The following HEPHL1 variants were observed in gnomAD, a reference collection of about 807,000 sequenced individuals.
HEPHL1 encodes the protein hephaestin like 1, also known as ferroxidase HEPHL1.
HEPHL1 carries 123 observed loss-of-function variants against 122.0 expected under a neutral mutation model. The ratio of observed to expected loss-of-function variants is 1.01; its 90% CI spans 0.87 to 1.17. The LOEUF (loss-of-function observed/expected upper bound fraction) is 1.17, where lower values mean the gene tolerates loss of function less well. Ranked by LOEUF, HEPHL1 falls within the 50% of genes most tolerant of loss-of-function variation. HEPHL1 has a pLI of 0.00. For missense variants in HEPHL1, 1,452 were observed against 1,430.5 expected (o/e 1.01, Z -0.24); for synonymous variants, 527 against 508.9 (o/e 1.04, Z -0.48).
chr11:94,076,545 G>C (rs1022905816), intron 9 of HEPHL1, among the ~76,000 whole-genome samples: 4 of 151,942 alleles, frequency 2.6e-5, no homozygotes, highest in African/African-American at 9.7e-5. Flanking sequence ...GCACCTCATA[G>C]TCTGTGGGAA....
At chr11:94,029,683 C>A (rs1945656194) in intron 1 of HEPHL1, among the ~76,000 whole-genome samples, 2 of 152,194 alleles carry the variant, frequency 1.3e-5, no homozygotes, top group Non-Finnish European at 2.9e-5. Context: ...CCCAATCCCC[C>A]CTTGGGGTGA....
At chr11:94,094,013 T>TATAA (rs1485344204) in intron 13 of HEPHL1, among the ~76,000 whole-genome samples, 27 of 121,664 alleles carry the variant, frequency 2.2e-4, no homozygotes, top group East Asian at 1.9e-3. Context: ...TATATATATA[T>TATAA]AAAACTTTAA....
At chr11:94,071,889 A>T (rs1038228258) in intron 6 of HEPHL1, among the ~76,000 whole-genome samples, 1 of 152,138 alleles carries the variant, frequency 6.6e-6, no homozygotes, top group Non-Finnish European at 1.5e-5. Context: ...CACCTGTGGC[A>T]TGGGAGGAAT....
chr11:94,109,507 A>G (rs546763564), intron 17 of HEPHL1, among the ~76,000 whole-genome samples: 10 of 152,256 alleles, frequency 6.6e-5, no homozygotes, highest in African/African-American at 9.6e-5. Flanking sequence ...TCCCATTATG[A>G]GGTTGAGGAA....
chr11:94,033,638 T>C (rs1278815548), intron 1 of HEPHL1, among the ~76,000 whole-genome samples: 3 of 152,076 alleles, frequency 2.0e-5, no homozygotes, highest in Non-Finnish European at 2.9e-5. Context: ...ACCTAGAGGG[T>C]ATTCAAATAT....
intron 2 of HEPHL1, among the ~76,000 whole-genome samples, chr11:94,057,536 G>A (rs1382386921): frequency 6.6e-6 from 1 of 151,870 alleles, no homozygotes; most frequent in African/African-American, 2.4e-5. Context: ...TTGCTTTCTT[G>A]AATATATTGT....
chr11:94,091,553 T>C (rs1788802472), intron 12 of HEPHL1, among the ~76,000 whole-genome samples: 1 of 152,214 alleles, frequency 6.6e-6, no homozygotes, highest in Non-Finnish European at 1.5e-5. Context: ...CATTGTGCAA[T>C]GTGCTGGTGA....
chr11:94,063,573 A>C lies in HEPHL1; in HGVS notation c.481A>C (p.Asn161His). The C allele has an allele frequency of 6.2e-7, 1 of 1,613,602 alleles. No individual in the cohort carries two copies. The highest frequency in any genetic ancestry group is 8.5e-7 in the Non-Finnish European group (1 of 1,179,788). The change falls in exon 3 of 20, where the codon AAC becomes CAC. Residue 161 changes from asparagine (N) to histidine (H), a missense_variant. Physicochemically the swap from Asn to His is moderately conservative, Grantham distance 68. Coordinates refer to ENST00000315765, the MANE Select transcript of HEPHL1 (RefSeq NM_001098672.2). ...KNDDMVPPGK[N>H]YTYVWPVREE... ...TGATGACATGGTTCCTCCTGGGAAA[A>C]ACTACACCTACGTCTGGCCGGTGAG... is the stretch of plus-strand genomic sequence containing the variant.
rs372944593 is a variant in HEPHL1 at position 94,027,656 on chromosome 11, G to T, written c.170+6118G>T. On this transcript the variant is annotated intron_variant, in intron 1 of 19. Coordinates refer to ENST00000315765, the MANE Select transcript of HEPHL1 (RefSeq NM_001098672.2). ...CAGCAGAGGAAACTGGTTCAGAGAG[G>T]TTAAGTCTCTTCCCCATTTCACAAC... 1.1e-4 allele frequency among the ~76,000 whole-genome samples: 17 copies of T among 152,316 alleles called. No individual in the cohort carries two copies. In the East Asian group the frequency reaches 2.3e-3, roughly 21 times the overall value.
In HEPHL1 at chr11:94,088,845, C is replaced by A. The variant is rs1434800703; in HGVS notation, c.2171C>A (p.Pro724His). Residue 724 changes from proline to histidine, a missense_variant, in exon 12 of 20, where the codon CCT becomes CAT. Pro to His is a moderately conservative substitution (Grantham distance 77, BLOSUM62 -2). Transcript: ENST00000315765. Reference protein sequence around the residue: ...YEVSSCDNRDPSEQRYGMIRT... With the variant: ...YEVSSCDNRDHSEQRYGMIRT... ...GTCAGCAGCTGTGACAACAGGGACCCTTCTGAGCAGCGGTACGGGATGATA... is the reference window on the plus strand; with the variant it reads ...GTCAGCAGCTGTGACAACAGGGACCATTCTGAGCAGCGGTACGGGATGATA... The A allele has an allele frequency of 6.2e-7, 1 of 1,614,008 alleles. No individual in the cohort carries two copies. Among genetic ancestry groups the A allele is most frequent in the Non-Finnish European group, 8.5e-7 (1 of 1,179,890 alleles).
At position 94,104,587 on chromosome 11, in the gene HEPHL1, AAAGGG is replaced by A. The variant is rs2134453346; in HGVS notation, c.2746_2750del (p.Gly916LysfsTer3). 1 of 1,613,950 alleles carries A rather than the reference AAAGGG, an allele frequency of 6.2e-7. No homozygotes were observed. The highest frequency in any genetic ancestry group is 2.2e-5 in the East Asian group (1 of 44,866). ...CATGCCGAAAAGGAGTCTTGAATGA[AAAGGG>A]AAGAAGAAGTGACGTTGATTATGAA... On this transcript the variant is annotated frameshift_variant, in exon 16 of 20. Coordinates refer to ENST00000315765, the MANE Select transcript of HEPHL1 (RefSeq NM_001098672.2). LOFTEE classifies it high-confidence loss of function.
intron 11 of HEPHL1, 108 bp downstream of exon 11, chr11:94,086,297 G>A (rs1304414368): frequency 5.2e-6 from 4 of 776,418 alleles, no homozygotes; most frequent in Admixed American, 4.5e-5. Flanking sequence ...TTCAAGTGGT[G>A]TAGAAATAGA....
chr11:94,097,692 T>G (rs1020931098), intron 13 of HEPHL1, among the ~76,000 whole-genome samples: 16 of 151,668 alleles, frequency 1.1e-4, no homozygotes, highest in Non-Finnish European at 2.2e-4. Flanking sequence ...TTTATGAATC[T>G]GGGTGCTCCT....
At position 94,088,581 on chromosome 11, in the gene HEPHL1, A is replaced by G. The variant is rs115883450; in HGVS notation, c.2081-174A>G. Reference sequence around the variant, plus strand: ...TCTTTCTCTCCACAGAAGTAAATATATTCAAAGTAATCTATACCCCCTGGG... The same window carrying G: ...TCTTTCTCTCCACAGAAGTAAATATGTTCAAAGTAATCTATACCCCCTGGG... On this transcript the variant is annotated intron_variant, in intron 11 of 19. Transcript: ENST00000315765. Among the ~76,000 whole-genome samples the G allele has an allele frequency of 7.6e-3, 1,163 of 152,324 alleles. 16 individuals are homozygous for G. Among genetic ancestry groups the G allele is most frequent in the African/African-American group, 0.027 (1,124 of 41,568 alleles).
At chr11:94,043,393 G>A (rs952387070) in intron 1 of HEPHL1, among the ~76,000 whole-genome samples, 2 of 152,170 alleles carry the variant, frequency 1.3e-5, no homozygotes, top group African/African-American at 4.8e-5. Flanking sequence ...GAGACACTCT[G>A]TGGCTGTCCC....
At chr11:94,084,371 AATAAATAT>A (rs1245654309) in intron 10 of HEPHL1, among the ~76,000 whole-genome samples, 5 of 148,804 alleles carry the variant, frequency 3.4e-5, no homozygotes, top group South Asian at 2.2e-4. Context: ...TAAATAAATA[AATAAATAT>A]ATAAATACAG....
At position 94,113,959 on chromosome 11, in the gene HEPHL1, C is replaced by T. The variant is rs1946471941; in HGVS notation, c.*2065C>T. ...ACATAACTACACTCCTTGTTCTCAG[C>T]CTCACTCTTGAGAAAATCAACTCTG... On this transcript the variant is annotated 3_prime_UTR_variant, in exon 20 of 20. Coordinates refer to ENST00000315765, the MANE Select transcript of HEPHL1 (RefSeq NM_001098672.2). 6.6e-6 allele frequency among the ~76,000 whole-genome samples: 1 copy of T among 152,210 alleles called. No homozygotes were observed. The highest frequency in any genetic ancestry group is 2.1e-4 in the South Asian group (1 of 4,830).
intron 1 of HEPHL1, among the ~76,000 whole-genome samples, chr11:94,031,813 G>A (rs2134405154): frequency 6.6e-6 from 1 of 152,338 alleles, no homozygotes; most frequent in African/African-American, 2.4e-5. Flanking sequence ...GGTTAACCCT[G>A]GGAAGGTTAA....
Position 94,112,050 on chromosome 11 carries a change from T to G in HEPHL1, c.*156T>G. On this transcript the variant is annotated 3_prime_UTR_variant, in exon 20 of 20. Coordinates refer to ENST00000315765, the MANE Select transcript of HEPHL1 (RefSeq NM_001098672.2). ...CCTCTCAAACATCATCCAAAGCAAT[T>G]TGCTTTTATTTATTTATTTTTAAAT... 1 of 481,124 alleles carries G rather than the reference T, an allele frequency of 2.1e-6. No homozygotes were observed. Among genetic ancestry groups the G allele is most frequent in the African/African-American group, 2.0e-5 (1 of 50,634 alleles). The allele number at this position is 481,124 out of a possible 1,614,324, so 29.8% of individuals were successfully genotyped here.
Sources: gnomAD v4.1 joint callset for allele counts (sites outside exome capture counted in the v4.1 genomes callset) on GRCh38, gnomAD v4.1.1 for gene constraint, MANE v1.5 for transcripts, NCBI Gene and HGNC (gene_info 2026-07-23, HGNC 2026-07-21) for gene names.